PRKG2: variants seen among roughly 807,000 people sequenced by gnomAD.
PRKG2 encodes the protein cGMP-dependent protein kinase 2.
In PRKG2, 33 loss-of-function variants were observed where a neutral mutation model predicts 97.2. The observed-to-expected ratio is 0.34, with a 90% CI of 0.26 to 0.45. The LOEUF (loss-of-function observed/expected upper bound fraction) is 0.45. PRKG2 is among the 20% of genes least tolerant of loss of function. The pLI is 1.00. For synonymous variants in PRKG2, 330 were observed against 321.8 expected (o/e 1.03, Z -0.27); for missense variants, 638 against 900.0 (o/e 0.71, Z 3.73).
intron 2 of PRKG2, among the ~76,000 whole-genome samples, chr4:81,197,200 C>T (rs1217157605): frequency 6.6e-6 from 1 of 152,096 alleles, no homozygotes; most frequent in Non-Finnish European, 1.5e-5. Context: ...CTCAATGACG[C>T]TATTTCTACT....
At chr4:81,217,413 G>A (rs894548295), upstream of PRKG2, among the ~76,000 whole-genome samples, 3 of 152,074 alleles carry the variant, frequency 2.0e-5, no homozygotes, top group African/African-American at 4.8e-5. Flanking sequence ...AGTTTGAGGG[G>A]GAACCTAAGT....
intron 1 of PRKG2, among the ~76,000 whole-genome samples, chr4:81,207,308 G>T (rs1365293995): frequency 1.3e-5 from 2 of 152,086 alleles, no homozygotes; most frequent in African/African-American, 4.8e-5. Flanking sequence ...AGTATTCTTA[G>T]GTCAGTAGAG....
chr4:81,198,555 AC>A (rs1753104652), intron 2 of PRKG2, among the ~76,000 whole-genome samples: 2 of 151,994 alleles, frequency 1.3e-5, no homozygotes, highest in African/African-American at 4.8e-5. Flanking sequence ...AGCCACTCAC[AC>A]TGTAGGCTGC....
intron 9 of PRKG2, among the ~76,000 whole-genome samples, chr4:81,148,061 G>T (rs1050560177): frequency 6.6e-6 from 1 of 151,974 alleles, no homozygotes; most frequent in Non-Finnish European, 1.5e-5. Context: ...ATTTTTAAAT[G>T]CTCTAAAGTT....
intron 6 of PRKG2, among the ~76,000 whole-genome samples, chr4:81,159,966 G>A (rs1308060067): frequency 8.2e-6 from 1 of 122,542 alleles, no homozygotes; most frequent in African/African-American, 3.0e-5. Flanking sequence ...TTGTGGGGTG[G>A]GGGGAGGGGG....
At chr4:81,129,490 G>A (rs1484572453) in intron 14 of PRKG2, among the ~76,000 whole-genome samples, 1 of 152,160 alleles carries the variant, frequency 6.6e-6, no homozygotes, top group African/African-American at 2.4e-5. Context: ...AGGTCTGTAA[G>A]AACTTGCTTT....
At chr4:81,108,129 C>T (rs1743536264) in intron 15 of PRKG2, among the ~76,000 whole-genome samples, 1 of 152,008 alleles carries the variant, frequency 6.6e-6, no homozygotes, top group African/African-American at 2.4e-5. Flanking sequence ...CGCTTGAACT[C>T]GGGAGGCAGA....
chr4:81,180,557 T>C (rs1751316285), intron 2 of PRKG2, among the ~76,000 whole-genome samples: 1 of 152,198 alleles, frequency 6.6e-6, no homozygotes, highest in Admixed American at 6.5e-5. Context: ...TTCATATTTA[T>C]ATCATCAAGA....
At chr4:81,132,572 C>G (rs912224390) in intron 14 of PRKG2, among the ~76,000 whole-genome samples, 4 of 152,126 alleles carry the variant, frequency 2.6e-5, no homozygotes, top group African/African-American at 7.2e-5. Flanking sequence ...AGCTGTATTA[C>G]AGCTGTTTTA....
intron 7 of PRKG2, 134 bp downstream of exon 7, chr4:81,153,510 G>A (rs983759153): frequency 3.2e-6 from 2 of 634,124 alleles, no homozygotes; most frequent in South Asian, 2.1e-5. Flanking sequence ...AGAATTGCAT[G>A]GGACTCTACT....
chr4:81,189,066 T>TAAAAAAAAAAAAAAAAA, intron 2 of PRKG2, among the ~76,000 whole-genome samples: 22 of 17,052 alleles, frequency 1.3e-3, no homozygotes, highest in East Asian at 6.8e-3. Flanking sequence ...AAAAAAATAA[T>TAAAAAAAAAAAAAAAAA]AAAAAAAAAA....
intron 15 of PRKG2, 60 bp downstream of exon 15, chr4:81,110,388 A>T (rs1743776804): frequency 6.6e-7 from 1 of 1,523,464 alleles, no homozygotes; most frequent in South Asian, 1.2e-5. Flanking sequence ...CTTTATCACT[A>T]GTTAGGTTAT....
intron 3 of PRKG2, 36 bp from the exon 4 acceptor site, chr4:81,171,840 T>C: frequency 1.4e-6 from 2 of 1,428,818 alleles, no homozygotes; most frequent in South Asian, 1.2e-5. Context: ...CACACACAAA[T>C]AATCGAAATC....
intron 2 of PRKG2, among the ~76,000 whole-genome samples, chr4:81,202,614 G>T (rs1198335651): frequency 6.6e-6 from 1 of 152,066 alleles, no homozygotes; most frequent in African/African-American, 2.4e-5. Context: ...TGCCTTTATG[G>T]TGAGGAGAAT....
At chr4:81,194,923 C>CATATATATAT (rs35157306) in intron 2 of PRKG2, among the ~76,000 whole-genome samples, 98 of 151,332 alleles carry the variant, frequency 6.5e-4, no homozygotes, top group African/African-American at 1.9e-3. Flanking sequence ...TTTTAATATA[C>CATATATATAT]ATATATATAT....
intron 9 of PRKG2, among the ~76,000 whole-genome samples, chr4:81,147,752 T>C (rs984774382): frequency 1.3e-5 from 2 of 152,106 alleles, no homozygotes; most frequent in Non-Finnish European, 2.9e-5. Flanking sequence ...ATTTTGTATC[T>C]GTAGAGGAGA....
intron 14 of PRKG2, among the ~76,000 whole-genome samples, chr4:81,131,606 A>C (rs2110021232): frequency 6.6e-6 from 1 of 152,298 alleles, no homozygotes; most frequent in South Asian, 2.1e-4. Context: ...TGAAAATATT[A>C]CCCTATGTTT....
At chr4:81,130,778 C>A (rs969405697) in intron 14 of PRKG2, among the ~76,000 whole-genome samples, 3 of 152,168 alleles carry the variant, frequency 2.0e-5, no homozygotes, top group African/African-American at 4.8e-5. Context: ...GCTTTGTTTA[C>A]ACTGTAAGGG....
At chr4:81,100,956 T>C (rs369114865) in intron 17 of PRKG2, among the ~76,000 whole-genome samples, 9,718 of 151,566 alleles carry the variant, frequency 0.064, 1,048 homozygotes, top group African/African-American at 0.23. Flanking sequence ...CCAAAAGACA[T>C]ATGAAAAAAT....
Sources: gnomAD v4.1 joint callset for allele counts (sites outside exome capture counted in the v4.1 genomes callset) on GRCh38, gnomAD v4.1.1 for gene constraint, MANE v1.5 for transcripts, NCBI Gene and HGNC (gene_info 2026-07-23, HGNC 2026-07-21) for gene names.